CHN1: variants seen among roughly 807,000 people sequenced by gnomAD.
CHN1 encodes the protein chimerin 1.
Under a neutral mutation model 59.5 loss-of-function variants are expected in CHN1, and 37 were observed. The observed-to-expected ratio is 0.62, with a 90% CI of 0.48 to 0.82. The LOEUF is 0.82. Ranked by LOEUF, CHN1 falls within the 40% of genes least tolerant of loss-of-function variation. The probability of loss-of-function intolerance (pLI) is 0.00; values close to 1 mark genes in which losing one functional copy is unlikely to be tolerated. For synonymous variants in CHN1, 206 were observed against 200.4 expected (o/e 1.03, Z -0.24); for missense variants, 469 against 571.0 (o/e 0.82, Z 1.82).
intron 6 of CHN1, 42 bp downstream of exon 6, chr2:174,877,798 C>A: frequency 6.4e-7 from 1 of 1,559,034 alleles, no homozygotes; most frequent in South Asian, 1.2e-5. Flanking sequence ...TTAAAAGAAC[C>A]CCAAACAGAA....
intron 5 of CHN1, among the ~76,000 whole-genome samples, chr2:174,883,007 G>T (rs910762538): frequency 3.3e-5 from 5 of 152,178 alleles, no homozygotes; most frequent in African/African-American, 4.8e-5. Context: ...GGATTATGGA[G>T]AAAAGTATTA....
chr2:174,862,517 G>A (rs1687101516), intron 6 of CHN1, among the ~76,000 whole-genome samples: 1 of 152,100 alleles, frequency 6.6e-6, no homozygotes, highest in Non-Finnish European at 1.5e-5. Context: ...ATTTTTAGTA[G>A]AGATGGGGTT....
rs146209751 is a variant in CHN1 at position 174,799,178 on chromosome 2, C to G, written c.*938G>C. On this transcript the variant is annotated 3_prime_UTR_variant, in exon 13 of 13. Transcript: ENST00000409900. ...CCCAACCTCTCATTAAAAAGTATGT[C>G]AAGAAAATATTTTCTAGATTTCTGC... 2.5e-4 allele frequency: 53 copies of G among 212,328 alleles called. No homozygotes were observed. In the East Asian group the frequency reaches 5.3e-3, roughly 21 times the overall value. 13.2% of individuals were successfully genotyped at this position (212,328 alleles called of 1,614,324 possible). A position where few individuals can be genotyped will look rare whatever the true frequency, so the allele number is the denominator to read the frequency against.
intron 5 of CHN1, among the ~76,000 whole-genome samples, chr2:174,897,338 G>A (rs749135474): frequency 1.1e-4 from 16 of 152,052 alleles, no homozygotes; most frequent in Admixed American, 5.2e-4. Flanking sequence ...GTCCTTGAAC[G>A]GCTGTCAGCA....
Position 175,004,896 on chromosome 2 carries a change from A to G in CHN1, c.17T>C (p.Phe6Ser), listed in dbSNP as rs1391167366. 2 of 1,515,956 alleles carry G rather than the reference A, an allele frequency of 1.3e-6. No individual in the cohort carries two copies. The highest frequency in any genetic ancestry group is 1.2e-5 in the South Asian group (1 of 81,180). The allele number at this position is 1,515,956 out of a possible 1,614,324, so 93.9% of individuals were successfully genotyped here. A position where few individuals can be genotyped will look rare whatever the true frequency, so the allele number is the denominator to read the frequency against. MALTLFDTDEYRPPVW... is the reference protein window; with the variant it reads MALTLSDTDEYRPPVW... ...CGCGGGGAGACGGCTGCACTTACCA[A>G]ACAGGGTCAGGGCCATTGTAAAGGC... is the stretch of plus-strand genomic sequence containing the variant. Residue 6 changes from phenylalanine to serine, a missense_variant and splice_region_variant, in exon 1 of 13, where the codon TTT becomes TCT. By Grantham distance (155) the Phe-to-Ser change is radical. Coordinates refer to ENST00000409900, the MANE Select transcript of CHN1 (RefSeq NM_001822.7).
Position 175,004,858 on chromosome 2 carries a change from C to A in CHN1, c.19+36G>T, listed in dbSNP as rs949744555. 4 of 1,357,130 alleles carry A rather than the reference C, an allele frequency of 2.9e-6. No homozygotes were observed. The African/African-American group carries it at 4.5e-5, about 15-fold the overall frequency. The allele number at this position is 1,357,130 out of a possible 1,614,324, so 84.1% of individuals were successfully genotyped here. A position where few individuals can be genotyped will look rare whatever the true frequency, so the allele number is the denominator to read the frequency against. On this transcript the variant is annotated intron_variant, in intron 1 of 12. Coordinates refer to ENST00000409900, the MANE Select transcript of CHN1 (RefSeq NM_001822.7). Reference sequence around the variant, plus strand: ...CCGCCCCCGAGCCCCGGGACGCGGCCCACCTGCGGCGGCGCGGGGAGACGG... The same window carrying A: ...CCGCCCCCGAGCCCCGGGACGCGGCACACCTGCGGCGGCGCGGGGAGACGG...
rs770505558 is a variant in CHN1 at position 174,846,902 on chromosome 2, T to C, written c.605A>G (p.Tyr202Cys). The part of the protein sequence containing the change: ...TLKENEQIPK[Y>C]EKIHNFKVHT... ...TACCTTGAAATTGTGAATCTTTTCA[T>C]ATTTTGGAATTTGCTCGTTTTCTTT... Residue 202 changes from tyrosine to cysteine, a missense_variant, in exon 7 of 13, where the codon TAT becomes TGT. Physicochemically the swap from Tyr to Cys is radical, Grantham distance 194. This residue lies in a region of CHN1 where 81 missense variants were observed against 71.7 expected (regional missense o/e 1.13). Transcript: ENST00000409900. 12 of 1,551,330 alleles carry C rather than the reference T, an allele frequency of 7.7e-6. No individual in the cohort carries two copies. In the African/African-American group the frequency reaches 1.6e-4, roughly 21 times the overall value.
intron 8 of CHN1, among the ~76,000 whole-genome samples, chr2:174,823,560 G>T (rs994498612): frequency 6.6e-6 from 1 of 152,090 alleles, no homozygotes; most frequent in African/African-American, 2.4e-5. Flanking sequence ...CTACTCGGGA[G>T]GCTGAGGCAG....
intron 6 of CHN1, among the ~76,000 whole-genome samples, chr2:174,860,626 T>C (rs7558991): frequency 0.039 from 6,011 of 152,186 alleles, 425 homozygotes; most frequent in African/African-American, 0.14. Flanking sequence ...GGTATACTAT[T>C]TTACAAGGAC....
chr2:174,874,606 C>T (rs185318990), intron 6 of CHN1, among the ~76,000 whole-genome samples: 63 of 152,240 alleles, frequency 4.1e-4, no homozygotes, highest in African/African-American at 1.5e-3. Flanking sequence ...ACAACTTACA[C>T]CTTTAGGACT....
chr2:174,973,453 T>A (rs1690823243), intron 1 of CHN1, among the ~76,000 whole-genome samples: 1 of 152,142 alleles, frequency 6.6e-6, no homozygotes, highest in South Asian at 2.1e-4. Context: ...CAAAATATAC[T>A]TCAAGGCCAG....
At chr2:174,869,079 G>A (rs1687318910) in intron 6 of CHN1, among the ~76,000 whole-genome samples, 1 of 152,156 alleles carries the variant, frequency 6.6e-6, no homozygotes, top group Non-Finnish European at 1.5e-5. Flanking sequence ...ATTAAAGGAG[G>A]GCTGGCTGAG....
At chr2:174,847,773 C>CAGAAAAAA (rs1686581943) in intron 6 of CHN1, 1 of 173,476 alleles carries the variant, frequency 5.8e-6, no homozygotes, top group African/African-American at 6.6e-5. Flanking sequence ...TGGCTCAAGG[C>CAGAAAAAA]AAAAAAAAAA....
At chr2:174,818,434 T>C (rs1358112745) in intron 8 of CHN1, among the ~76,000 whole-genome samples, 2 of 152,156 alleles carry the variant, frequency 1.3e-5, no homozygotes, top group Admixed American at 6.5e-5. Context: ...TAACGGTATA[T>C]CAATATTTCA....
chr2:174,942,901 A>C (rs1280429250), intron 3 of CHN1, among the ~76,000 whole-genome samples: 3 of 151,972 alleles, frequency 2.0e-5, no homozygotes, highest in African/African-American at 7.2e-5. Flanking sequence ...AAGTACAAAA[A>C]TTAGCCAGAC....
intron 11 of CHN1, among the ~76,000 whole-genome samples, chr2:174,807,304 C>T (rs996142390): frequency 2.5e-4 from 38 of 152,258 alleles, no homozygotes; most frequent in Non-Finnish European, 1.5e-4. Flanking sequence ...CTGCTTTGTC[C>T]TCTGCTGATT....
At chr2:174,907,644 A>T (rs1355111619) in intron 5 of CHN1, among the ~76,000 whole-genome samples, 1 of 146,404 alleles carries the variant, frequency 6.8e-6, no homozygotes, top group East Asian at 2.0e-4. Flanking sequence ...TTGTAAAATG[A>T]TACATGTGCA....
In CHN1 at chr2:174,804,404, AAG is replaced by A. The variant is rs199837977; in HGVS notation, c.1103-2594_1103-2593del. 2.4e-3 allele frequency among the ~76,000 whole-genome samples: 366 copies of A among 152,328 alleles called. 2 individuals are homozygous for A. The highest frequency in any genetic ancestry group is 0.02 in the East Asian group (106 of 5,194). ...CTATTTTAAGGATTTAGTGTTTACT[AAG>A]AGAAATGGGAAGGTTATCAACAAGG... is the stretch of plus-strand genomic sequence containing the variant. On this transcript the variant is annotated intron_variant, in intron 11 of 12. Coordinates refer to ENST00000409900, the MANE Select transcript of CHN1 (RefSeq NM_001822.7).
At chr2:174,990,993 A>G (rs1314809987) in intron 1 of CHN1, among the ~76,000 whole-genome samples, 1 of 152,222 alleles carries the variant, frequency 6.6e-6, no homozygotes, top group Non-Finnish European at 1.5e-5. Flanking sequence ...TAAATATTAT[A>G]ATAAGCAATA....
Sources: gnomAD v4.1 joint callset for allele counts (sites outside exome capture counted in the v4.1 genomes callset) on GRCh38, gnomAD v4.1.1 for gene constraint, gnomAD v4.1.1 regional missense constraint, MANE v1.5 for transcripts, NCBI Gene and HGNC (gene_info 2026-07-23, HGNC 2026-07-21) for gene names.